Variants in GNAS observed in about 807,000 individuals in gnomAD.
The protein encoded by GNAS is GNAS complex locus.
Under a neutral mutation model 54.5 loss-of-function variants are expected in GNAS, and 8 were observed. The ratio of observed to expected loss-of-function variants is 0.15; its 90% confidence interval spans 0.09 to 0.26. The LOEUF (loss-of-function observed/expected upper bound fraction) is 0.26, where lower values mean the gene tolerates loss of function less well. GNAS is among the 10% of genes least tolerant of loss of function. The probability of loss-of-function intolerance (pLI) is 1.00; values close to 1 mark genes in which losing one functional copy is unlikely to be tolerated. For synonymous variants in GNAS, 204 were observed against 191.4 expected, an observed-to-expected ratio of 1.07 and a Z score of -0.54; for missense variants, 170 against 529.8, an observed-to-expected ratio of 0.32 and a Z score of 6.67.
chr20:58,862,202 A>G (rs746233104), intron 1 of GNAS, among the ~76,000 whole-genome samples: 2 of 150,376 alleles, frequency 1.3e-5, no homozygotes, highest in Non-Finnish European at 3.0e-5. Flanking sequence ...CTGTCGCCCA[A>G]GCTGGAGTAC....
intron 6 of GNAS, among the ~76,000 whole-genome samples, chr20:58,908,408 G>A (rs560435751): frequency 6.6e-6 from 1 of 151,996 alleles, no homozygotes; most frequent in Admixed American, 6.5e-5. Flanking sequence ...TTTGTTTCCT[G>A]TTCAGGATGG....
Position 58,909,139 on chromosome 20 carries a change from A to G in GNAS, c.531-23A>G. The G allele has an allele frequency of 3.7e-6, 6 of 1,609,138 alleles. No individual in the cohort carries two copies. Among genetic ancestry groups the G allele is most frequent in the African/African-American group, 2.7e-5 (2 of 74,820 alleles). On this transcript the variant is annotated intron_variant, in intron 6 of 12. Transcript: ENST00000371085. The surrounding 1 kb of genome is among the most constrained non-coding windows in gnomAD (Gnocchi z 7.3). The stretch of plus-strand genomic sequence containing the variant: ...TTGATGTGAGCGCTGTGAACACCCC[A>G]CGTGTCTTTCTTTTTCTCCCAGCTT...
At chr20:58,908,905 G>A in intron 6 of GNAS, 1 of 577,714 alleles carries the variant, frequency 1.7e-6, no homozygotes. Context: ...CGAGGCCACA[G>A]GCTAGCTGCT....
rs2023512 is a variant in GNAS, at chr20:58,908,246, T to C, written c.531-916T>C. Reference sequence around the variant, plus strand: ...TCCAAAAAATAACTGGTTTTAACATTAATTTTCCATATTAATTACCCCAAT... The same window carrying C: ...TCCAAAAAATAACTGGTTTTAACATCAATTTTCCATATTAATTACCCCAAT... On this transcript the variant is annotated intron_variant, in intron 6 of 12. Coordinates refer to ENST00000371085, the MANE Select transcript of GNAS (RefSeq NM_000516.7). Among the ~76,000 whole-genome samples, 921 of 152,338 alleles carry C rather than the reference T, an allele frequency of 6.0e-3. 20 individuals are homozygous for C. The highest frequency in any genetic ancestry group is 0.021 in the African/African-American group (883 of 41,578).
At chr20:58,895,300 G>T (rs984625820) in intron 1 of GNAS, 5 of 396,632 alleles carry the variant, frequency 1.3e-5, no homozygotes, top group Non-Finnish European at 2.4e-5. Flanking sequence ...ACAAAATTGC[G>T]TCATTCCTTC....
intron 3 of GNAS, chr20:58,900,212 A>G (rs1850799667): frequency 1.8e-6 from 1 of 546,830 alleles, no homozygotes; most frequent in African/African-American, 1.9e-5. Context: ...TGACTAATTG[A>G]CAATCTGCTG....
Position 58,841,800 on chromosome 20 carries a change from T to C in GNAS, c.43+914T>C. 3.3e-6 allele frequency: 4 copies of C among 1,230,722 alleles called. No individual in the cohort carries two copies. Among genetic ancestry groups the C allele is most frequent in the Non-Finnish European group, 4.0e-6 (4 of 987,856 alleles). 76.2% of individuals were successfully genotyped at this position (1,230,722 alleles called of 1,614,324 possible). A position where few individuals can be genotyped will look rare whatever the true frequency, so the allele number is the denominator to read the frequency against. On this transcript the variant is annotated intron_variant, in intron 1 of 12. Transcript: ENST00000306090. The surrounding 1 kb of genome is among the most constrained non-coding windows in gnomAD (Gnocchi z 5.0). ...CAGCTGGTCGGGTGGCCAGGCTGCA[T>C]GCGGCTTAGCAGGAGACGTCCTGGG...
chr20:58,893,856 G>C (rs2089773757), intron 1 of GNAS, among the ~76,000 whole-genome samples: 2 of 152,194 alleles, frequency 1.3e-5, no homozygotes, highest in South Asian at 4.1e-4. Context: ...AACACCTTTT[G>C]TGCAGTGATC....
intron 1 of GNAS, among the ~76,000 whole-genome samples, chr20:58,878,330 C>A (rs963318451): frequency 6.6e-6 from 1 of 152,230 alleles, no homozygotes; most frequent in South Asian, 2.1e-4. Flanking sequence ...TGTTCTTATT[C>A]CCCTCACTAA....
chr20:58,893,808 TAAGTC>T (rs1377805642), intron 1 of GNAS, among the ~76,000 whole-genome samples: 4 of 152,264 alleles, frequency 2.6e-5, no homozygotes, highest in Admixed American at 6.5e-5. Flanking sequence ...AGTACTACTT[TAAGTC>T]AAGTGTGATG....
chr20:58,897,842 C>T (rs537786329), intron 2 of GNAS: 2 of 152,242 alleles, frequency 1.3e-5, no homozygotes, highest in African/African-American at 4.8e-5. Context: ...TGCGGTATTG[C>T]AACAAAAGCT....
At chr20:58,903,324 CG>C (rs1369019663) in intron 3 of GNAS, 18 of 655,674 alleles carry the variant, frequency 2.7e-5, no homozygotes, top group Admixed American at 6.4e-5. Flanking sequence ...TAATCTGCCC[CG>C]ATTGGGCGTG....
At chr20:58,852,680 G>A (rs373340357) in intron 1 of GNAS, 28 of 193,082 alleles carry the variant, frequency 1.5e-4, no homozygotes, top group African/African-American at 6.5e-4. Context: ...CGCAACGCAG[G>A]AGCGCTTTCT....
intron 6 of GNAS, among the ~76,000 whole-genome samples, chr20:58,907,775 C>T (rs571843295): frequency 6.6e-6 from 1 of 152,364 alleles, no homozygotes; most frequent in South Asian, 2.1e-4. Context: ...TCCTCCCTCA[C>T]CCGTGGCTCA....
At chr20:58,874,110 C>A (rs925609947) in intron 1 of GNAS, among the ~76,000 whole-genome samples, 2 of 152,226 alleles carry the variant, frequency 1.3e-5, no homozygotes, top group Admixed American at 6.5e-5. Context: ...GTGACTGAAC[C>A]TTTGCTAGTC....
intron 3 of GNAS, 122 bp from the exon 4 acceptor site, chr20:58,903,409 C>T (rs927524321): frequency 4.5e-5 from 39 of 872,222 alleles, no homozygotes; most frequent in Non-Finnish European, 5.4e-5. Context: ...TGCACAGATC[C>T]GAACCCACAA....
At chr20:58,843,047 C>T (rs2085797611) in intron 1 of GNAS, among the ~76,000 whole-genome samples, 1 of 152,280 alleles carries the variant, frequency 6.6e-6, no homozygotes, top group Admixed American at 6.5e-5. Flanking sequence ...AAGCAATGTA[C>T]CATGTTCACA....
intron 3 of GNAS, among the ~76,000 whole-genome samples, chr20:58,900,783 C>G (rs1478444287): frequency 6.6e-6 from 1 of 152,058 alleles, no homozygotes; most frequent in Non-Finnish European, 1.5e-5. Context: ...ACCCGCCAAC[C>G]CCCAGTATAA....
chr20:58,840,456 C>T, upstream of GNAS: 1 of 1,613,400 alleles, frequency 6.2e-7, no homozygotes, highest in Non-Finnish European at 8.5e-7. This position sits in a 1 kb window ranked among gnomAD's most constrained non-coding sequence, Gnocchi z 6.0. Context: ...GAGACCGAGT[C>T]CGAAATCGAG....
Sources: gnomAD v4.1 joint callset for allele counts (sites outside exome capture counted in the v4.1 genomes callset) on GRCh38, gnomAD v4.1.1 for gene constraint, Gnocchi (gnomAD v3.1) non-coding constraint, MANE v1.5 for transcripts, NCBI Gene and HGNC (gene_info 2026-07-23, HGNC 2026-07-21) for gene names.